The following MSI2 variants were observed in gnomAD, a reference collection of about 807,000 sequenced individuals.
MSI2 encodes the protein musashi RNA binding protein 2, also known as RNA-binding protein Musashi homolog 2.
A neutral mutation model predicts 45.6 loss-of-function variants in MSI2; 17 were observed. The ratio of observed to expected loss-of-function variants is 0.37; its 90% CI spans 0.26 to 0.56. The LOEUF is 0.56. Ranked by LOEUF, MSI2 falls within the 20% of genes least tolerant of loss-of-function variation. The probability of loss-of-function intolerance (pLI) is 0.77; values close to 1 mark genes in which losing one functional copy is unlikely to be tolerated. For missense variants in MSI2, 293 were observed against 444.2 expected (o/e 0.66, Z 3.06); for synonymous variants, 156 against 158.2 (o/e 0.99, Z 0.11).
rs71139995 is a variant in MSI2, at chr17:57,440,413, CGTGTGTGTGTGTGTGT to C, written c.405+38981_405+38996del. On this transcript the variant is annotated intron_variant, in intron 6 of 13. Transcript: ENST00000284073. ...ACAGTCTTACCTGGGGTTTGTTATC[CGTGTGTGTGTGTGTGT>C]GTGTGTGTGTGTGTGTGTGTGTGTG... Among the ~76,000 whole-genome samples, 287 of 104,594 alleles carry C rather than the reference CGTGTGTGTGTGTGTGT, an allele frequency of 2.7e-3. 3 individuals carry two copies. Among genetic ancestry groups the C allele is most frequent in the Middle Eastern group, 0.011 (2 of 188 alleles). 68.6% of individuals were successfully genotyped at this position (104,594 alleles called of 152,430 possible). A position where few individuals can be genotyped will look rare whatever the true frequency, so the allele number is the denominator to read the frequency against.
chr17:57,502,932 A>C (rs1490175516), intron 6 of MSI2, among the ~76,000 whole-genome samples: 1 of 151,972 alleles, frequency 6.6e-6, no homozygotes, highest in Middle Eastern at 3.4e-3. Flanking sequence ...GCTTCTGTTT[A>C]TGACTAATTG....
downstream of MSI2, among the ~76,000 whole-genome samples, chr17:57,689,082 A>C (rs1478906587): frequency 6.6e-6 from 1 of 152,150 alleles, no homozygotes; most frequent in Non-Finnish European, 1.5e-5. Flanking sequence ...TATTCAGCTG[A>C]GATAAAATTA....
At chr17:57,686,292 T>C (rs12950269), downstream of MSI2, among the ~76,000 whole-genome samples, 65,915 of 151,856 alleles carry the variant, frequency 0.43, 14,586 homozygotes, top group African/African-American at 0.52. Flanking sequence ...AATTTTCCTG[T>C]TTTAATGTTT....
chr17:57,403,284 C>CTCTT (rs1426766104), intron 6 of MSI2, among the ~76,000 whole-genome samples: 1 of 152,194 alleles, frequency 6.6e-6, no homozygotes, highest in East Asian at 1.9e-4. Flanking sequence ...CTCTCTCTCT[C>CTCTT]TCTTTCTTCC....
chr17:57,629,706 C>T lies in MSI2; in HGVS notation c.727+2403C>T, dbSNP rs116238341. 841 of 152,608 alleles carry T rather than the reference C, an allele frequency of 5.5e-3. 5 individuals carry two copies. The highest frequency in any genetic ancestry group is 0.019 in the African/African-American group (803 of 41,584). 9.5% of individuals were successfully genotyped at this position (152,608 alleles called of 1,614,324 possible). On this transcript the variant is annotated intron_variant, in intron 10 of 13. Coordinates refer to ENST00000284073, the MANE Select transcript of MSI2 (RefSeq NM_138962.4). Reference sequence around the variant, plus strand: ...GGTCAGTGTCCCTGTGCTTCATTCTCTGCCAGTCTTGCTCAGCCCAGAAGC... The same window carrying T: ...GGTCAGTGTCCCTGTGCTTCATTCTTTGCCAGTCTTGCTCAGCCCAGAAGC...
chr17:57,452,705 A>G (rs1395380015), intron 6 of MSI2, among the ~76,000 whole-genome samples: 1 of 152,190 alleles, frequency 6.6e-6, no homozygotes, highest in African/African-American at 2.4e-5. Context: ...TGCAGTTATA[A>G]TAATAAATAC....
chr17:57,313,652 G>T (rs1259355402), intron 5 of MSI2, among the ~76,000 whole-genome samples: 3 of 152,224 alleles, frequency 2.0e-5, no homozygotes, highest in Non-Finnish European at 2.9e-5. Flanking sequence ...CCTGGCACAG[G>T]CAGGGGAACT....
chr17:57,461,766 T>G (rs1037038444), intron 6 of MSI2, among the ~76,000 whole-genome samples: 1 of 152,142 alleles, frequency 6.6e-6, no homozygotes, highest in Non-Finnish European at 1.5e-5. Context: ...ACTCCTGACC[T>G]CAAGAGATCT....
At chr17:57,631,191 A>G (rs189286985) in intron 10 of MSI2, 160 of 152,582 alleles carry the variant, frequency 1.0e-3, no homozygotes, top group Admixed American at 4.8e-3. Context: ...TAGCAGGGCC[A>G]TGCAAGACAG....
intron 6 of MSI2, among the ~76,000 whole-genome samples, chr17:57,409,017 A>G (rs545736835): frequency 6.6e-6 from 1 of 151,934 alleles, no homozygotes; most frequent in Admixed American, 6.6e-5. Context: ...CAGATTTGTC[A>G]AGTTACCACC....
At chr17:57,256,358 CG>C (rs1906707984), upstream of MSI2, among the ~76,000 whole-genome samples, 1 of 151,074 alleles carries the variant, frequency 6.6e-6, no homozygotes, top group South Asian at 2.1e-4. Context: ...CGCGGGCAGG[CG>C]GGGGCCGCAC....
chr17:57,363,021 A>G (rs1028517486), intron 5 of MSI2, among the ~76,000 whole-genome samples: 1 of 152,220 alleles, frequency 6.6e-6, no homozygotes, highest in African/African-American at 2.4e-5. Flanking sequence ...TATATACATG[A>G]GAGATTTGGA....
intron 10 of MSI2, among the ~76,000 whole-genome samples, chr17:57,646,486 C>G (rs1910669736): frequency 6.6e-6 from 1 of 152,194 alleles, no homozygotes; most frequent in Admixed American, 6.5e-5. Context: ...GTTTATCATC[C>G]TCCTCCCCGC....
In MSI2 at chr17:57,338,447, G is replaced by A. The variant is rs370286807; in HGVS notation, c.313-62932G>A. On this transcript the variant is annotated intron_variant, in intron 5 of 13. Transcript: ENST00000284073. ...TGTCGCCCAAGGCTGGCGTGCAATG[G>A]CACGATCTAGGCTCACTGCAGTCTC... Among the ~76,000 whole-genome samples, 36 of 152,316 alleles carry A rather than the reference G, an allele frequency of 2.4e-4. 1 individual carries two copies. In the South Asian group the frequency reaches 7.5e-3, roughly 32 times the overall value.
intron 5 of MSI2, among the ~76,000 whole-genome samples, chr17:57,292,181 G>C (rs1388398051): frequency 2.0e-5 from 3 of 152,064 alleles, no homozygotes; most frequent in African/African-American, 7.2e-5. Context: ...GCTAGAGAAT[G>C]GGAGGGGAGG....
intron 5 of MSI2, among the ~76,000 whole-genome samples, chr17:57,300,791 C>T (rs1028089880): frequency 2.6e-5 from 4 of 152,132 alleles, no homozygotes; most frequent in African/African-American, 7.2e-5. Flanking sequence ...AAGGGGTTTC[C>T]CCTTATAAAA....
chr17:57,257,579 T>A (rs1906913149), intron 3 of MSI2, 32 bp downstream of exon 3: 1 of 1,460,172 alleles, frequency 6.8e-7, no homozygotes, highest in Admixed American at 1.7e-5. Context: ...TTTGTCTTTA[T>A]TTTAGAACAA....
intron 5 of MSI2, among the ~76,000 whole-genome samples, chr17:57,285,022 T>G (rs1909748139): frequency 6.6e-6 from 1 of 152,016 alleles, no homozygotes; most frequent in Non-Finnish European, 1.5e-5. Flanking sequence ...GGAAGACTTG[T>G]AGGAGGATAG....
Position 57,680,241 on chromosome 17 carries a change from G to A in MSI2, c.*724G>A, listed in dbSNP as rs1913518471. The A allele has an allele frequency of 8.7e-6, 2 of 229,122 alleles. No individual in the cohort carries two copies. Among genetic ancestry groups the A allele is most frequent in the Non-Finnish European group, 1.7e-5 (2 of 115,500 alleles). 14.2% of individuals were successfully genotyped at this position (229,122 alleles called of 1,614,324 possible). ...CTATCTATTTTCGGCAATAAGGTAA[G>A]GACGACAGTGTTTTGAGTGTCCTCC... On this transcript the variant is annotated 3_prime_UTR_variant, in exon 14 of 14. Coordinates refer to ENST00000284073, the MANE Select transcript of MSI2 (RefSeq NM_138962.4).
Sources: allele counts gnomAD v4.1 joint callset (sites outside exome capture counted in the v4.1 genomes callset), GRCh38; gene constraint gnomAD v4.1.1; transcripts MANE v1.5; gene names NCBI Gene and HGNC (gene_info 2026-07-23, HGNC 2026-07-21).